TRPM7: variants seen among roughly 807,000 people sequenced by gnomAD.
TRPM7 encodes transient receptor potential cation channel subfamily M member 7, also known as LTRPC ion channel family member 7.
TRPM7 carries 134 observed loss-of-function variants against 229.7 expected under a neutral mutation model. The ratio of observed to expected loss-of-function variants is 0.58; its 90% CI spans 0.51 to 0.67. The LOEUF is 0.67. Among genes scored for constraint, TRPM7 ranks in the 30% least tolerant of loss-of-function variants. TRPM7 has a pLI of 0.00. For missense variants in TRPM7, 1,901 were observed against 2,210.0 expected (o/e 0.86, Z 2.80); for synonymous variants, 699 against 715.2 (o/e 0.98, Z 0.36).
intron 2 of TRPM7, among the ~76,000 whole-genome samples, chr15:50,662,214 G>A (rs947956263): frequency 1.3e-5 from 2 of 152,038 alleles, no homozygotes; most frequent in East Asian, 1.9e-4. Context: ...TTAGCCGGCT[G>A]TGGTGGCACA....
rs1264245656 is a variant in TRPM7 at position 50,630,064 on chromosome 15, G to A, written c.1204+1353C>T. Among the ~76,000 whole-genome samples the A allele has an allele frequency of 3.3e-5, 5 of 152,142 alleles. No homozygotes were observed. In the East Asian group the frequency reaches 5.8e-4, roughly 18 times the overall value. Reference sequence around the variant, plus strand: ...GTTAGTAGAGACGAGGTTTCGCCATGTTGGCCAGGCTGATCTTGAACTCCT... The same window carrying A: ...GTTAGTAGAGACGAGGTTTCGCCATATTGGCCAGGCTGATCTTGAACTCCT... On this transcript the variant is annotated intron_variant, in intron 10 of 38. Transcript: ENST00000646667.
chr15:50,681,744 T>C (rs571989503), intron 1 of TRPM7, among the ~76,000 whole-genome samples: 18 of 152,320 alleles, frequency 1.2e-4, no homozygotes, highest in African/African-American at 4.3e-4. Context: ...GGCAGCTGGA[T>C]AGTTAAGGTG....
In TRPM7 at chr15:50,564,608, T is replaced by A. The variant is rs144715170; in HGVS notation, c.5468-2800A>T. 6.6e-5 allele frequency among the ~76,000 whole-genome samples: 10 copies of A among 152,182 alleles called. No homozygotes were observed. The East Asian group carries it at 1.9e-3, about 29-fold the overall frequency. On this transcript the variant is annotated intron_variant, in intron 38 of 38. Transcript: ENST00000646667. ...AACATGCAGGTTTGTTATATAGGTA[T>A]ATGTGTGTCATGGCGTAAACCCTTA...
chr15:50,668,491 T>C lies in TRPM7; in HGVS notation c.4-5445A>G, dbSNP rs533814507. Among the ~76,000 whole-genome samples the C allele has an allele frequency of 1.1e-4, 16 of 152,274 alleles. No individual in the cohort carries two copies. The East Asian group carries it at 2.7e-3, about 26-fold the overall frequency. On this transcript the variant is annotated intron_variant, in intron 1 of 38. Coordinates refer to ENST00000646667, the MANE Select transcript of TRPM7 (RefSeq NM_017672.6). The stretch of plus-strand genomic sequence containing the variant: ...ACTATTTATGAGTACTCTTAACTTA[T>C]GGCAATAGATTTGTTTTTGTTTTTT...
Position 50,592,046 on chromosome 15 carries a change from G to A in TRPM7, c.4189C>T (p.Pro1397Ser), listed in dbSNP as rs754873660. 1 of 1,613,334 alleles carries A rather than the reference G, an allele frequency of 6.2e-7. No individual in the cohort carries two copies. Residue 1397 changes from proline (P) to serine (S), a missense_variant, in exon 26 of 39, where the codon CCA (proline) becomes TCA (serine). Physicochemically the swap from Pro to Ser is moderately conservative, Grantham distance 74. Transcript: ENST00000646667. ...GTACTAACAAAAAATTTGGTTGGTG[G>A]GGATGACAGATGTGGTATGCTAGTA... ...SSTSIPHLSSPPTKFFVSTPS... is the reference protein window; with the variant it reads ...SSTSIPHLSSSPTKFFVSTPS...
Position 50,678,665 on chromosome 15 carries a change from A to G in TRPM7, c.3+7866T>C, listed in dbSNP as rs1355725456. ...TACTGACATTTTAGATACGAACCCT[A>G]TGAGAGTTTTAAAGATATTATTGAA... On this transcript the variant is annotated intron_variant, in intron 1 of 38. Coordinates refer to ENST00000646667, the MANE Select transcript of TRPM7 (RefSeq NM_017672.6). 3.9e-5 allele frequency among the ~76,000 whole-genome samples: 6 copies of G among 151,988 alleles called. No individual in the cohort carries two copies. The East Asian group carries it at 1.2e-3, about 29-fold the overall frequency.
chr15:50,572,573 A>G (rs2053942963), intron 36 of TRPM7, among the ~76,000 whole-genome samples: 1 of 152,218 alleles, frequency 6.6e-6, no homozygotes, highest in African/African-American at 2.4e-5. Context: ...GATATGCTTT[A>G]TTGCAATATT....
chr15:50,568,131 A>C (rs1176162771), intron 38 of TRPM7, among the ~76,000 whole-genome samples: 1 of 133,652 alleles, frequency 7.5e-6, no homozygotes, highest in East Asian at 2.2e-4. Context: ...AAAAAAAAAA[A>C]ACAAGGAGTA....
chr15:50,679,495 A>G (rs2062181967), intron 1 of TRPM7, among the ~76,000 whole-genome samples: 1 of 117,560 alleles, frequency 8.5e-6, no homozygotes, highest in East Asian at 2.4e-4. Flanking sequence ...TATATTATAT[A>G]TATGTGTATA....
intron 2 of TRPM7, among the ~76,000 whole-genome samples, chr15:50,659,621 T>C (rs1041717485): frequency 3.9e-5 from 6 of 152,166 alleles, no homozygotes; most frequent in Non-Finnish European, 7.3e-5. Context: ...TATTGCAAAG[T>C]GGAATTAATA....
chr15:50,658,181 A>G (rs1028165006), intron 2 of TRPM7, among the ~76,000 whole-genome samples: 4 of 151,614 alleles, frequency 2.6e-5, no homozygotes, highest in Non-Finnish European at 2.9e-5. Context: ...ATTTTTTTGC[A>G]TTTTTACTAG....
chr15:50,679,533 T>TA (rs2062194216), intron 1 of TRPM7, among the ~76,000 whole-genome samples: 3 of 51,792 alleles, frequency 5.8e-5, no homozygotes, highest in Admixed American at 2.2e-4. Context: ...TATATATATA[T>TA]ATATATTTTT....
chr15:50,630,023 A>G (rs556923998), intron 10 of TRPM7, among the ~76,000 whole-genome samples: 1 of 151,884 alleles, frequency 6.6e-6, no homozygotes, highest in African/African-American at 2.4e-5. Flanking sequence ...CACCACCCCC[A>G]GCTAATTTTT....
chr15:50,636,464 T>C (rs2060911821), intron 7 of TRPM7, among the ~76,000 whole-genome samples: 1 of 152,194 alleles, frequency 6.6e-6, no homozygotes, highest in African/African-American at 2.4e-5. Context: ...GTGCTGCGAT[T>C]ATAGGCATGA....
intron 38 of TRPM7, among the ~76,000 whole-genome samples, chr15:50,563,419 A>G (rs1234998104): frequency 6.6e-6 from 1 of 152,242 alleles, no homozygotes; most frequent in Admixed American, 6.5e-5. Flanking sequence ...TTCAAGAACT[A>G]TTCTGATGAC....
chr15:50,642,892 AG>A (rs1454731141), intron 5 of TRPM7, among the ~76,000 whole-genome samples: 1 of 152,142 alleles, frequency 6.6e-6, no homozygotes, highest in Non-Finnish European at 1.5e-5. Flanking sequence ...ATAACCAAAC[AG>A]GTTCGATTAT....
In TRPM7 at chr15:50,561,450, A is replaced by T; in HGVS notation, c.*228T>A. On this transcript the variant is annotated 3_prime_UTR_variant, in exon 39 of 39. Transcript: ENST00000646667. Reference sequence around the variant, plus strand: ...AGCCCTTTAAAAAGTTATAAATACTAATTATCAATTACCTTTAAAATTTCT... The same window carrying T: ...AGCCCTTTAAAAAGTTATAAATACTTATTATCAATTACCTTTAAAATTTCT... 2.2e-6 allele frequency: 1 copy of T among 446,122 alleles called. No homozygotes were observed. The highest frequency in any genetic ancestry group is 4.0e-5 in the East Asian group (1 of 24,844). 27.6% of individuals were successfully genotyped at this position (446,122 alleles called of 1,614,324 possible).
intron 19 of TRPM7, among the ~76,000 whole-genome samples, chr15:50,607,773 G>A (rs769350302): frequency 1.1e-4 from 17 of 151,690 alleles, no homozygotes; most frequent in East Asian, 9.7e-4. Context: ...GGGGCACGCC[G>A]CGGTGGCTCA....
rs1039057633 is a variant in TRPM7 at position 50,561,404 on chromosome 15, G to T, written c.*274C>A. On this transcript the variant is annotated 3_prime_UTR_variant, in exon 39 of 39. Transcript: ENST00000646667. ...CACCCTCATCAAAACAAAGTCAAAT[G>T]AGATCCTCTGCTATACAAAGAGCCC... The T allele has an allele frequency of 3.3e-6, 1 of 304,410 alleles. No individual in the cohort carries two copies. Among genetic ancestry groups the T allele is most frequent in the Non-Finnish European group, 6.0e-6 (1 of 166,554 alleles). The allele number at this position is 304,410 out of a possible 1,614,324, so 18.9% of individuals were successfully genotyped here. A position where few individuals can be genotyped will look rare whatever the true frequency, so the allele number is the denominator to read the frequency against.
Sources: allele counts gnomAD v4.1 joint callset (sites outside exome capture counted in the v4.1 genomes callset), GRCh38; gene constraint gnomAD v4.1.1; transcripts MANE v1.5; gene names NCBI Gene and HGNC (gene_info 2026-07-23, HGNC 2026-07-21).